SOX5: variants seen among roughly 807,000 people sequenced by gnomAD.
The protein encoded by SOX5 is transcription factor SOX-5.
A neutral mutation model predicts 92.0 loss-of-function variants in SOX5; 9 were observed. That is an observed-to-expected ratio of 0.10 (90% CI 0.06 to 0.17). SOX5 has a LOEUF of 0.17. Among genes scored for constraint, SOX5 ranks in the 10% least tolerant of loss-of-function variants. The pLI is 1.00. For synonymous variants in SOX5, 344 were observed against 336.3 expected, an observed-to-expected ratio of 1.02 and a Z score of -0.25; for missense variants, 642 against 944.5, an observed-to-expected ratio of 0.68 and a Z score of 4.20.
At chr12:23,736,988 C>T (rs2093624694) in intron 5 of SOX5, among the ~76,000 whole-genome samples, 1 of 149,458 alleles carries the variant, frequency 6.7e-6, no homozygotes, top group South Asian at 2.1e-4. Context: ...CCACAGTGCC[C>T]GACCTACGAT....
At chr12:24,079,037 A>G (rs1206204377) in intron 4 of SOX5, among the ~76,000 whole-genome samples, 2 of 151,830 alleles carry the variant, frequency 1.3e-5, no homozygotes, top group Non-Finnish European at 2.9e-5. Context: ...AAAAATTACA[A>G]CTCTGCCCAG....
chr12:24,238,181 G>A (rs947165567), intron 3 of SOX5, among the ~76,000 whole-genome samples: 6 of 152,264 alleles, frequency 3.9e-5, no homozygotes, highest in South Asian at 4.1e-4. Context: ...TAAAGTTGCT[G>A]AAAGAAAGGA....
At chr12:23,838,834 C>CT (rs1245666102) in intron 3 of SOX5, among the ~76,000 whole-genome samples, 4,779 of 54,154 alleles carry the variant, frequency 0.088, 507 homozygotes, top group East Asian at 0.13. Flanking sequence ...CCCAGTAGTT[C>CT]TTTTTTTTTG....
In SOX5 at chr12:23,740,870, T is replaced by C. The variant is rs1435047756; in HGVS notation, c.738A>G (p.Glu246=). The C allele has an allele frequency of 1.9e-6, 3 of 1,609,812 alleles. No homozygotes were observed. Among genetic ancestry groups the C allele is most frequent in the African/African-American group, 1.3e-5 (1 of 74,844 alleles). ...TGCATCGCTAGTTCTTACTCACTTGTTCTTGTTGCTGCTTGGCCAGCTCCA... is the reference window on the plus strand; with the variant it reads ...TGCATCGCTAGTTCTTACTCACTTGCTCTTGTTGCTGCTTGGCCAGCTCCA... The part of the protein sequence containing the change: ...QQMELAKQQQ[E]QIARQQQQLL... Residue 246 remains glutamate (E), a synonymous_variant, in exon 5 of 15, where the codon GAA becomes GAG. Transcript: ENST00000451604.
intron 1 of SOX5, among the ~76,000 whole-genome samples, chr12:24,383,838 C>G (rs553076315): frequency 3.3e-5 from 5 of 152,162 alleles, no homozygotes; most frequent in Admixed American, 1.3e-4. Flanking sequence ...GTTAGTGATA[C>G]GGTTTGGCTG....
chr12:23,879,511 C>T (rs559102325), intron 2 of SOX5, among the ~76,000 whole-genome samples: 4 of 152,134 alleles, frequency 2.6e-5, no homozygotes, highest in South Asian at 2.1e-4. Context: ...AAATACTGAA[C>T]GTAAGCAAAC....
At chr12:23,821,360 C>A (rs1358377319) in intron 3 of SOX5, among the ~76,000 whole-genome samples, 1 of 152,148 alleles carries the variant, frequency 6.6e-6, no homozygotes, top group East Asian at 1.9e-4. Flanking sequence ...TACAATCATG[C>A]AATCTGCAAA....
At chr12:24,283,638 T>C (rs1485198300) in intron 2 of SOX5, among the ~76,000 whole-genome samples, 9 of 152,350 alleles carry the variant, frequency 5.9e-5, no homozygotes, top group Middle Eastern at 6.8e-3. Context: ...AGTATAAAGA[T>C]GCATTCCAAC....
At chr12:24,443,664 C>A (rs1941016825) in intron 1 of SOX5, among the ~76,000 whole-genome samples, 1 of 152,176 alleles carries the variant, frequency 6.6e-6, no homozygotes, top group Admixed American at 6.5e-5. Flanking sequence ...ATCACTGAGA[C>A]TGGTTAGCTG....
chr12:23,611,682 C>T (rs1471572034), intron 8 of SOX5, among the ~76,000 whole-genome samples: 1 of 151,938 alleles, frequency 6.6e-6, no homozygotes, highest in Non-Finnish European at 1.5e-5. Flanking sequence ...AGTCACTTAC[C>T]CAGGAGCCAG....
chr12:23,721,244 C>A lies in SOX5; in HGVS notation c.810+13440G>T, dbSNP rs553574107. Among the ~76,000 whole-genome samples the A allele has an allele frequency of 1.3e-4, 20 of 152,136 alleles. No homozygotes were observed. The East Asian group carries it at 3.9e-3, about 29-fold the overall frequency. On this transcript the variant is annotated intron_variant, in intron 6 of 14. Transcript: ENST00000451604. ...GGGATTACAGGCATGCGCCACCATG[C>A]CCAGCTAATTTTGTATTTTTAGTAG...
chr12:23,536,593 G>A lies in SOX5; in HGVS notation c.1848C>T (p.His616=), dbSNP rs769452777. Residue 616 remains histidine, a synonymous_variant, in exon 14 of 15, where the codon CAC becomes CAT. Transcript: ENST00000451604. ...YEEQARLSKQ[H]LEKYPDYKYK... is the part of the protein sequence containing the mutation. ...ACTTATAGTCAGGGTACTTCTCCAG[G>A]TGCTGCTTGCTGAGACGGGCTTGCT... 1 of 1,614,150 alleles carries A rather than the reference G, an allele frequency of 6.2e-7. No individual in the cohort carries two copies. Among genetic ancestry groups the A allele is most frequent in the South Asian group, 1.1e-5 (1 of 91,086 alleles).
chr12:24,357,174 A>G (rs1156809344), intron 2 of SOX5, among the ~76,000 whole-genome samples: 1 of 152,210 alleles, frequency 6.6e-6, no homozygotes, highest in African/African-American at 2.4e-5. Context: ...GTGGGGAGAA[A>G]TAATGACTTT....
At chr12:24,014,250 C>T (rs765409528) in intron 4 of SOX5, among the ~76,000 whole-genome samples, 16 of 152,246 alleles carry the variant, frequency 1.1e-4, no homozygotes, top group Non-Finnish European at 2.1e-4. Context: ...CCTCTCTTAG[C>T]GCCTCCTTTA....
chr12:23,964,780 T>A (rs1415776945), intron 4 of SOX5, among the ~76,000 whole-genome samples: 1 of 152,244 alleles, frequency 6.6e-6, no homozygotes, highest in Admixed American at 6.5e-5. Context: ...TTTGTTCATA[T>A]AAATACATAT....
chr12:24,054,717 T>G (rs1358605877), intron 4 of SOX5, among the ~76,000 whole-genome samples: 1 of 152,132 alleles, frequency 6.6e-6, no homozygotes, highest in Non-Finnish European at 1.5e-5. Context: ...AGTGGAAAGA[T>G]GAATGCAAAG....
chr12:24,133,053 G>A (rs1949796304), intron 4 of SOX5, among the ~76,000 whole-genome samples: 2 of 152,174 alleles, frequency 1.3e-5, no homozygotes, highest in South Asian at 4.1e-4. Context: ...CATTTTAATA[G>A]TTATATAATA....
intron 3 of SOX5, among the ~76,000 whole-genome samples, chr12:24,262,536 T>C (rs993458817): frequency 3.3e-5 from 5 of 152,150 alleles, no homozygotes; most frequent in African/African-American, 9.7e-5. Context: ...TGGGCAAACA[T>C]TAAACCAAAC....
intron 4 of SOX5, among the ~76,000 whole-genome samples, chr12:23,991,837 G>T (rs1303789614): frequency 1.3e-5 from 2 of 151,222 alleles, no homozygotes; most frequent in East Asian, 1.9e-4. Flanking sequence ...CACATGAAAA[G>T]AATACTTCCT....
Sources: gnomAD v4.1 joint callset for allele counts (sites outside exome capture counted in the v4.1 genomes callset) on GRCh38, gnomAD v4.1.1 for gene constraint, MANE v1.5 for transcripts, NCBI Gene and HGNC (gene_info 2026-07-23, HGNC 2026-07-21) for gene names.